Variants in CDH11 observed in about 807,000 individuals in gnomAD.
CDH11 encodes cadherin 11, also known as cadherin-11.
A neutral mutation model predicts 67.8 loss-of-function variants in CDH11; 11 were observed. The ratio of observed to expected loss-of-function variants is 0.16; its 90% CI spans 0.10 to 0.27. The LOEUF is 0.27. Ranked by LOEUF, CDH11 falls within the 10% of genes least tolerant of loss-of-function variation. CDH11 has a pLI of 1.00. For synonymous variants in CDH11, 419 were observed against 400.0 expected, an observed-to-expected ratio of 1.05 and a Z score of -0.57; for missense variants, 847 against 1,031.2, an observed-to-expected ratio of 0.82 and a Z score of 2.45.
intron 2 of CDH11, chr16:65,007,050 C>G (rs1233285446): frequency 1.3e-5 from 2 of 152,186 alleles, no homozygotes; most frequent in Non-Finnish European, 2.9e-5. Context: ...GTGCTTTCTC[C>G]AAGATGCGAA....
intron 12 of CDH11, among the ~76,000 whole-genome samples, chr16:64,949,739 T>G (rs771776910): frequency 2.0e-5 from 3 of 152,226 alleles, no homozygotes; most frequent in South Asian, 4.2e-4. Context: ...GTCAGGTGCT[T>G]TCTACTCTGT....
rs10500506 is a variant in CDH11, at chr16:65,012,048, T to C, written c.-172-7007A>G. Among the ~76,000 whole-genome samples, 6 of 152,294 alleles carry C rather than the reference T, an allele frequency of 3.9e-5. No homozygotes were observed. In the East Asian group the frequency reaches 1.2e-3, roughly 29 times the overall value. ...CACAGGCATCAATATACCTCCAATA[T>C]GTAGACTGTTCTCAAACAATACTGA... On this transcript the variant is annotated intron_variant, in intron 2 of 12. Transcript: ENST00000268603.
At chr16:65,042,142 G>C (rs560708149) in intron 2 of CDH11, among the ~76,000 whole-genome samples, 82 of 152,224 alleles carry the variant, frequency 5.4e-4, no homozygotes, top group Non-Finnish European at 1.1e-3. Flanking sequence ...AGTGCTACTA[G>C]TATGGATGGC....
In CDH11 at chr16:65,065,380, A is replaced by C. The variant is rs372245367; in HGVS notation, c.-297-11452T>G. On this transcript the variant is annotated intron_variant, in intron 1 of 12. Transcript: ENST00000268603. Reference sequence around the variant, plus strand: ...TATTTTGAATACTAAATATGTGAAAAGGAGAAAGAACAGCATGAAATAATT... The same window carrying C: ...TATTTTGAATACTAAATATGTGAAACGGAGAAAGAACAGCATGAAATAATT... 6.6e-5 allele frequency among the ~76,000 whole-genome samples: 10 copies of C among 152,378 alleles called. No homozygotes were observed. The East Asian group carries it at 1.9e-3, about 29-fold the overall frequency.
chr16:65,010,266 C>T (rs2073148671), intron 2 of CDH11, among the ~76,000 whole-genome samples: 1 of 152,116 alleles, frequency 6.6e-6, no homozygotes, highest in African/African-American at 2.4e-5. Flanking sequence ...GCTCTGGTAT[C>T]CCTTTCAACA....
At chr16:64,988,132 C>T (rs752951405) in intron 7 of CDH11, 25 bp downstream of exon 7, 65 of 1,572,376 alleles carry the variant, frequency 4.1e-5, no homozygotes, top group East Asian at 6.8e-5. Flanking sequence ...ACCACTGACA[C>T]GTCTGATTCC....
intron 8 of CDH11, among the ~76,000 whole-genome samples, chr16:64,976,517 A>G (rs2072171840): frequency 6.6e-6 from 1 of 152,308 alleles, no homozygotes; most frequent in South Asian, 2.1e-4. Context: ...GTTGAAGAGA[A>G]ACAACCAGGA....
intron 1 of CDH11, among the ~76,000 whole-genome samples, chr16:65,101,928 C>T (rs2074998701): frequency 1.3e-5 from 2 of 152,136 alleles, no homozygotes; most frequent in Non-Finnish European, 2.9e-5. Flanking sequence ...GGTGGATGGG[C>T]AGATGACATA....
At chr16:64,961,424 T>A (rs1227582191) in intron 11 of CDH11, among the ~76,000 whole-genome samples, 3 of 152,126 alleles carry the variant, frequency 2.0e-5, no homozygotes, top group Admixed American at 2.0e-4. Flanking sequence ...CAATTCTAAT[T>A]GAGATGGCCC....
chr16:65,062,433 G>C (rs966518197), intron 1 of CDH11, among the ~76,000 whole-genome samples: 1 of 152,022 alleles, frequency 6.6e-6, no homozygotes, highest in South Asian at 2.1e-4. Context: ...ACAGCCTCCC[G>C]CTATCTTTCC....
intron 1 of CDH11, among the ~76,000 whole-genome samples, chr16:65,088,943 A>G (rs1383556899): frequency 1.3e-5 from 2 of 152,182 alleles, no homozygotes; most frequent in African/African-American, 4.8e-5. Flanking sequence ...AGATGCTTTC[A>G]CTTTTAGGGA....
At chr16:64,948,762 G>C (rs1023308787) in intron 12 of CDH11, 1 of 1,600,586 alleles carries the variant, frequency 6.2e-7, no homozygotes, top group Non-Finnish European at 8.5e-7. Flanking sequence ...CCCTGGGAGA[G>C]GGGGGTTCCA....
intron 1 of CDH11, among the ~76,000 whole-genome samples, chr16:65,081,819 A>G (rs1567567722): frequency 6.6e-6 from 1 of 152,344 alleles, no homozygotes; most frequent in South Asian, 2.1e-4. Context: ...TTGTACCTAT[A>G]ACTGTCCTGA....
intron 1 of CDH11, among the ~76,000 whole-genome samples, chr16:65,083,037 G>A (rs143429466): frequency 2.0e-5 from 3 of 152,316 alleles, no homozygotes; most frequent in African/African-American, 7.2e-5. Context: ...AATACCTTAC[G>A]TGTATATTGA....
intron 2 of CDH11, among the ~76,000 whole-genome samples, chr16:65,038,109 A>T (rs1045271175): frequency 1.3e-4 from 20 of 152,230 alleles, no homozygotes; most frequent in Non-Finnish European, 2.8e-4. Flanking sequence ...CCATTTCCTA[A>T]GTCCCAGTTC....
At chr16:64,972,618 C>T (rs2072038428) in intron 9 of CDH11, among the ~76,000 whole-genome samples, 1 of 152,106 alleles carries the variant, frequency 6.6e-6, no homozygotes, top group South Asian at 2.1e-4. Context: ...AGACTAGTGA[C>T]TGGATGGAGT....
At chr16:65,032,284 CGA>C (rs2073658283) in intron 2 of CDH11, among the ~76,000 whole-genome samples, 1 of 145,322 alleles carries the variant, frequency 6.9e-6, no homozygotes, top group African/African-American at 2.6e-5. Flanking sequence ...CTCAGGAGTT[CGA>C]GACCAGCCTG....
chr16:65,082,121 T>G (rs1489683176), intron 1 of CDH11, among the ~76,000 whole-genome samples: 2 of 152,174 alleles, frequency 1.3e-5, no homozygotes, highest in African/African-American at 4.8e-5. Context: ...CAAAACTGCT[T>G]GCCCACCTAC....
In CDH11 at chr16:65,121,930, A is replaced by C. The variant is rs1035554496; in HGVS notation, c.-348T>G. The C allele has an allele frequency of 2.0e-5, 14 of 701,832 alleles. No individual in the cohort carries two copies. The African/African-American group carries it at 2.1e-4, about 10-fold the overall frequency. The allele number at this position is 701,832 out of a possible 1,614,324, so 43.5% of individuals were successfully genotyped here. ...CCTCCGAGCCGCCAGTCCCTGGCGC[A>C]GGGCAAGCGCTGCGGTGTCAGTCCC... On this transcript the variant is annotated 5_prime_UTR_variant, in exon 1 of 13. Coordinates refer to ENST00000268603, the MANE Select transcript of CDH11 (RefSeq NM_001797.4). This position sits in a 1 kb window ranked among gnomAD's most constrained non-coding sequence, Gnocchi z 4.1.
Sources: gnomAD v4.1 joint callset for allele counts (sites outside exome capture counted in the v4.1 genomes callset) on GRCh38, gnomAD v4.1.1 for gene constraint, Gnocchi (gnomAD v3.1) non-coding constraint, MANE v1.5 for transcripts, NCBI Gene and HGNC (gene_info 2026-07-23, HGNC 2026-07-21) for gene names.